KDM4B: variants seen among roughly 807,000 people sequenced by gnomAD.
The protein encoded by KDM4B is lysine demethylase 4B, also known as lysine-specific demethylase 4B.
Under a neutral mutation model 125.2 loss-of-function variants are expected in KDM4B, and 32 were observed. The ratio of observed to expected loss-of-function variants is 0.26; its 90% CI spans 0.19 to 0.34. The LOEUF is 0.34. Ranked by LOEUF, KDM4B falls within the 10% of genes least tolerant of loss-of-function variation. The pLI, the probability that KDM4B is intolerant of heterozygous loss-of-function variation, is 1.00. For missense variants in KDM4B, 1,190 were observed against 1,577.7 expected, an observed-to-expected ratio of 0.75 and a Z score of 4.16; for synonymous variants, 721 against 677.9, an observed-to-expected ratio of 1.06 and a Z score of -0.99.
At chr19:4,998,721 T>C (rs2035277539) in intron 1 of KDM4B, among the ~76,000 whole-genome samples, 1 of 152,204 alleles carries the variant, frequency 6.6e-6, no homozygotes, top group Non-Finnish European at 1.5e-5. Context: ...GCCTGTCGGT[T>C]CCTTTTAACC....
chr19:5,021,479 G>A (rs543362639), intron 2 of KDM4B, among the ~76,000 whole-genome samples: 3 of 152,120 alleles, frequency 2.0e-5, no homozygotes, highest in African/African-American at 7.2e-5. Context: ...CCTGTGGGGC[G>A]GGAGGATGGC....
chr19:4,995,725 T>C (rs1197893330), intron 1 of KDM4B, among the ~76,000 whole-genome samples: 2 of 152,218 alleles, frequency 1.3e-5, no homozygotes, highest in African/African-American at 4.8e-5. Context: ...GGAGGGACCT[T>C]GGGTCCCAGC....
intron 18 of KDM4B, chr19:5,140,940 T>C (rs1483874029): frequency 6.6e-6 from 1 of 152,214 alleles, no homozygotes; most frequent in East Asian, 1.9e-4. Context: ...CTGCCTGGTT[T>C]ATCTTCCCAG....
rs763205325 is a variant in KDM4B, at chr19:5,137,358, G to A, written c.2385+20G>A. On this transcript the variant is annotated intron_variant, in intron 16 of 22. Transcript: ENST00000159111. ...ACTGCGGTAACTCGCTCCCCGCAGCGGGGGTGGTGCTCTGAGAGGCCTGGG... is the reference window on the plus strand; with the variant it reads ...ACTGCGGTAACTCGCTCCCCGCAGCAGGGGTGGTGCTCTGAGAGGCCTGGG... The A allele has an allele frequency of 2.5e-5, 39 of 1,549,472 alleles. No homozygotes were observed. The highest frequency in any genetic ancestry group is 2.3e-4 in the South Asian group (19 of 84,158).
chr19:5,028,709 C>T (rs2036358120), intron 2 of KDM4B, among the ~76,000 whole-genome samples: 1 of 152,168 alleles, frequency 6.6e-6, no homozygotes, highest in African/African-American at 2.4e-5. Context: ...GTTCGAGGGC[C>T]CCAATTTCTC....
rs1338952982 is a variant in KDM4B at position 5,115,392 on chromosome 19, C to G, written c.1116-4261C>G. Among the ~76,000 whole-genome samples the G allele has an allele frequency of 1.3e-5, 2 of 152,076 alleles. No homozygotes were observed. Among genetic ancestry groups the G allele is most frequent in the Admixed American group, 6.5e-5 (1 of 15,286 alleles). On this transcript the variant is annotated intron_variant, in intron 10 of 22. Transcript: ENST00000159111. The surrounding 1 kb of genome is among the most constrained non-coding windows in gnomAD (Gnocchi z 4.2). ...GCCAGCCTCACATCCCCCCAACCCC[C>G]AAGGCCAGGAGAGACAATAGAGGGG...
In KDM4B at chr19:5,131,308, G is replaced by A. The variant is rs1447568913; in HGVS notation, c.1548G>A (p.Glu516=). 2.5e-6 allele frequency: 4 copies of A among 1,612,210 alleles called. No individual in the cohort carries two copies. Among genetic ancestry groups the A allele is most frequent in the Non-Finnish European group, 2.5e-6 (3 of 1,179,882 alleles). ...LNVVPPEVPS[E]ELEAKPRPII... Reference sequence around the variant, plus strand: ...TCGTGCCCCCTGAGGTGCCCAGTGAGGAGCTAGAGGCCAAGCCTCGGCCCA... The same window carrying A: ...TCGTGCCCCCTGAGGTGCCCAGTGAAGAGCTAGAGGCCAAGCCTCGGCCCA... The change falls in exon 12 of 23, where the codon GAG becomes GAA. Residue 516 remains glutamate, a synonymous_variant. Coordinates refer to ENST00000159111, the MANE Select transcript of KDM4B (RefSeq NM_015015.3).
chr19:4,980,234 C>T (rs1333107366), intron 1 of KDM4B, among the ~76,000 whole-genome samples: 1 of 152,146 alleles, frequency 6.6e-6, no homozygotes, highest in Non-Finnish European at 1.5e-5. Flanking sequence ...GGTCACTATC[C>T]ATCCCCTCCC....
At chr19:5,087,154 C>T (rs1185759691) in intron 9 of KDM4B, among the ~76,000 whole-genome samples, 3 of 152,258 alleles carry the variant, frequency 2.0e-5, no homozygotes, top group Non-Finnish European at 4.4e-5. Flanking sequence ...CATTCACTCC[C>T]CATCAGCAGA....
intron 1 of KDM4B, among the ~76,000 whole-genome samples, chr19:4,974,411 T>C (rs1325822549): frequency 1.3e-5 from 2 of 148,268 alleles, no homozygotes; most frequent in African/African-American, 2.5e-5. Flanking sequence ...CAAAAATAAA[T>C]AAATAAGTAA....
In KDM4B at chr19:5,082,532, C is replaced by G. The variant is rs1230556824; in HGVS notation, c.918+28C>G. 1 of 1,554,852 alleles carries G rather than the reference C, an allele frequency of 6.4e-7. No homozygotes were observed. Among genetic ancestry groups the G allele is most frequent in the Non-Finnish European group, 8.7e-7 (1 of 1,153,384 alleles). On this transcript the variant is annotated intron_variant, in intron 9 of 22. Coordinates refer to ENST00000159111, the MANE Select transcript of KDM4B (RefSeq NM_015015.3). This position sits in a 1 kb window ranked among gnomAD's most constrained non-coding sequence, Gnocchi z 5.4. ...AAAAGCTTGCCTGCTGGGAACGGGT[C>G]CCAGCAGGGCGGGAGGAGGCTCTTT... is the stretch of plus-strand genomic sequence containing the variant.
rs559509195 is a variant in KDM4B, at chr19:5,134,183, C to T, written c.2085+122C>T. On this transcript the variant is annotated intron_variant, in intron 14 of 22. Transcript: ENST00000159111. ...CAGGGCAGGGTGTTGGCCAGCACCC[C>T]GAGTTGTGAGGGCTTGTTCCTGACA... The T allele has an allele frequency of 2.6e-5, 24 of 934,826 alleles. No homozygotes were observed. In the East Asian group the frequency reaches 4.6e-4, roughly 18 times the overall value. 57.9% of individuals were successfully genotyped at this position (934,826 alleles called of 1,614,324 possible).
intron 21 of KDM4B, among the ~76,000 whole-genome samples, chr19:5,145,969 G>T (rs1007481907): frequency 6.6e-6 from 1 of 152,220 alleles, no homozygotes. Flanking sequence ...GGTCCCGCCC[G>T]CATCTCCCGC....
chr19:5,117,170 A>G (rs1296009840), intron 10 of KDM4B, among the ~76,000 whole-genome samples: 2 of 152,174 alleles, frequency 1.3e-5, no homozygotes, highest in Non-Finnish European at 2.9e-5. Flanking sequence ...GGCTGCAAGG[A>G]TGAGGCCCCA....
At chr19:5,090,056 G>A (rs2038639836) in intron 9 of KDM4B, among the ~76,000 whole-genome samples, 1 of 152,164 alleles carries the variant, frequency 6.6e-6, no homozygotes, top group Admixed American at 6.5e-5. Context: ...GACCCCCAAA[G>A]CCTGGCCCCC....
intron 6 of KDM4B, among the ~76,000 whole-genome samples, chr19:5,059,915 G>A (rs182354674): frequency 5.0e-4 from 76 of 152,338 alleles, no homozygotes; most frequent in African/African-American, 1.7e-3. Flanking sequence ...GGATGCCTGC[G>A]TGTGGCTCAC....
chr19:5,077,163 A>G (rs890338395), intron 7 of KDM4B: 11 of 597,288 alleles, frequency 1.8e-5, no homozygotes, highest in Admixed American at 2.9e-5. Context: ...GCAGGGCACT[A>G]TGGGGCGGCT....
chr19:5,132,822 C>T (rs1405414763), intron 13 of KDM4B, among the ~76,000 whole-genome samples: 1 of 152,154 alleles, frequency 6.6e-6, no homozygotes, highest in African/African-American at 2.4e-5. Flanking sequence ...TTGTGAGTGA[C>T]AGACGCAGCC....
intron 11 of KDM4B, among the ~76,000 whole-genome samples, chr19:5,123,310 G>T (rs887221301): frequency 1.3e-5 from 2 of 152,246 alleles, no homozygotes; most frequent in African/African-American, 2.4e-5. Flanking sequence ...TCACGGTCCA[G>T]GTGTCAGCCG....
Sources: gnomAD v4.1 joint callset for allele counts (sites outside exome capture counted in the v4.1 genomes callset) on GRCh38, gnomAD v4.1.1 for gene constraint, Gnocchi (gnomAD v3.1) non-coding constraint, MANE v1.5 for transcripts, NCBI Gene and HGNC (gene_info 2026-07-23, HGNC 2026-07-21) for gene names.